RNF152: variants seen among roughly 807,000 people sequenced by gnomAD.
RNF152 encodes E3 ubiquitin-protein ligase RNF152.
RNF152 carries 11 observed loss-of-function variants against 12.7 expected under a neutral mutation model. That is an observed-to-expected ratio of 0.86 (90% CI 0.54 to 1.43). RNF152 has a LOEUF of 1.43. RNF152 is among the 40% of genes most tolerant of loss of function. The pLI, the probability that RNF152 is intolerant of heterozygous loss-of-function variation, is 0.00. For missense variants in RNF152, 255 were observed against 274.8 expected, an observed-to-expected ratio of 0.93 and a Z score of 0.51; for synonymous variants, 113 against 120.3, an observed-to-expected ratio of 0.94 and a Z score of 0.40.
chr18:61,823,077 T>C (rs955269581), intron 1 of RNF152, among the ~76,000 whole-genome samples: 2 of 152,250 alleles, frequency 1.3e-5, no homozygotes. Flanking sequence ...TTTTGTCCTC[T>C]GGTAGCAAAG....
rs1909100676 is a variant in RNF152, at chr18:61,816,488, A to G, written c.-25T>C. On this transcript the variant is annotated 5_prime_UTR_variant, in exon 2 of 2. Transcript: ENST00000312828. The stretch of plus-strand genomic sequence containing the variant: ...TGGTGGACCGTGAGCAGGAAGGGCA[A>G]GGCCAAGGTGAAGGGGAAGGAGCTG... The G allele has an allele frequency of 2.5e-6, 4 of 1,575,094 alleles. No homozygotes were observed. The highest frequency in any genetic ancestry group is 3.5e-6 in the Non-Finnish European group (4 of 1,156,234).
At chr18:61,858,659 G>C (rs1413658185) in intron 1 of RNF152, among the ~76,000 whole-genome samples, 1 of 152,124 alleles carries the variant, frequency 6.6e-6, no homozygotes, top group African/African-American at 2.4e-5. Context: ...GTCTGGCCTT[G>C]TTCTTACTGA....
intron 1 of RNF152, among the ~76,000 whole-genome samples, chr18:61,848,692 C>CA (rs1169231889): frequency 3.3e-5 from 5 of 152,288 alleles, no homozygotes; most frequent in Non-Finnish European, 7.4e-5. Context: ...GTGGAGGGGG[C>CA]AAGACAGCAG....
In RNF152 at chr18:61,814,821, C is replaced by A. The variant is rs1464186581; in HGVS notation, c.*1031G>T. The A allele has an allele frequency of 1.3e-5, 2 of 152,200 alleles. No individual in the cohort carries two copies. The highest frequency in any genetic ancestry group is 1.9e-4 in the East Asian group (1 of 5,198). The allele number at this position is 152,200 out of a possible 1,614,324, so 9.4% of individuals were successfully genotyped here. A position where few individuals can be genotyped will look rare whatever the true frequency, so the allele number is the denominator to read the frequency against. Reference sequence around the variant, plus strand: ...CTCCAAAACCAGGAGAAAAGACACTCTTCTGTTACTCTCCATTTGCCTCTT... The same window carrying A: ...CTCCAAAACCAGGAGAAAAGACACTATTCTGTTACTCTCCATTTGCCTCTT... On this transcript the variant is annotated 3_prime_UTR_variant, in exon 2 of 2. Transcript: ENST00000312828.
chr18:61,839,849 C>G (rs533250508), intron 1 of RNF152, among the ~76,000 whole-genome samples: 1 of 152,180 alleles, frequency 6.6e-6, no homozygotes, highest in African/African-American at 2.4e-5. Context: ...GGGCCGAGAT[C>G]GTGCCTGTGT....
At chr18:61,875,442 A>T (rs1242333734) in intron 1 of RNF152, among the ~76,000 whole-genome samples, 1 of 152,008 alleles carries the variant, frequency 6.6e-6, no homozygotes, top group Non-Finnish European at 1.5e-5. Context: ...CAGAAAACAA[A>T]TTTTTTTTCT....
intron 1 of RNF152, among the ~76,000 whole-genome samples, chr18:61,869,931 C>T (rs1418830529): frequency 6.6e-6 from 1 of 152,178 alleles, no homozygotes; most frequent in East Asian, 1.9e-4. Flanking sequence ...ATGAAAGAAA[C>T]AGTGTCACTA....
At position 61,859,249 on chromosome 18, in the gene RNF152, C is replaced by T. The variant is rs117878853; in HGVS notation, c.-136+33546G>A. Among the ~76,000 whole-genome samples, 38 of 152,318 alleles carry T rather than the reference C, an allele frequency of 2.5e-4. No homozygotes were observed. In the East Asian group the frequency reaches 4.2e-3, roughly 17 times the overall value. The stretch of plus-strand genomic sequence containing the variant: ...ACTGGAAGGACTTTTGTCCTTCCCA[C>T]GGGTACCATCAAAGCCCCTCAGTTT... On this transcript the variant is annotated intron_variant, in intron 1 of 1. Transcript: ENST00000312828.
chr18:61,844,077 G>A (rs1454510379), intron 1 of RNF152, among the ~76,000 whole-genome samples: 3 of 68,406 alleles, frequency 4.4e-5, no homozygotes, highest in South Asian at 5.4e-4. Context: ...CAGAAAGAAA[G>A]GAAAGAAAGA....
At chr18:61,845,563 A>C (rs1421018682) in intron 1 of RNF152, among the ~76,000 whole-genome samples, 1 of 152,240 alleles carries the variant, frequency 6.6e-6, no homozygotes, top group Admixed American at 6.5e-5. Flanking sequence ...CAGGTTTGGA[A>C]AGTTTTTATA....
At chr18:61,868,272 T>C (rs1911830068) in intron 1 of RNF152, among the ~76,000 whole-genome samples, 1 of 152,244 alleles carries the variant, frequency 6.6e-6, no homozygotes, top group Non-Finnish European at 1.5e-5. Flanking sequence ...TATTTCTCTT[T>C]TCCTCCTAGC....
At chr18:61,840,741 T>G (rs2144670638) in intron 1 of RNF152, among the ~76,000 whole-genome samples, 1 of 151,910 alleles carries the variant, frequency 6.6e-6, no homozygotes, top group African/African-American at 2.4e-5. Flanking sequence ...CCAAAAAGGA[T>G]GTATATTTTT....
At chr18:61,866,845 C>T (rs554269038) in intron 1 of RNF152, among the ~76,000 whole-genome samples, 1 of 152,162 alleles carries the variant, frequency 6.6e-6, no homozygotes, top group Non-Finnish European at 1.5e-5. Context: ...ATAGCTTTGG[C>T]ACCAAGGAAT....
At position 61,811,771 on chromosome 18, in the gene RNF152, A is replaced by T. The variant is rs1312919769; in HGVS notation, c.*4081T>A. 1.3e-5 allele frequency: 2 copies of T among 152,184 alleles called. No individual in the cohort carries two copies. The highest frequency in any genetic ancestry group is 3.9e-4 in the East Asian group (2 of 5,188). The allele number at this position is 152,184 out of a possible 1,614,324, so 9.4% of individuals were successfully genotyped here. ...TTCCTGTAACATTTACTTTTTGGCC[A>T]CAAGACCCTAGACACAATTTCACAG... On this transcript the variant is annotated 3_prime_UTR_variant, in exon 2 of 2. Transcript: ENST00000312828.
At chr18:61,871,892 T>C (rs79324849) in intron 1 of RNF152, among the ~76,000 whole-genome samples, 4,382 of 152,280 alleles carry the variant, frequency 0.029, 90 homozygotes, top group Non-Finnish European at 0.044. Flanking sequence ...TAAAACTACT[T>C]GTGAGGGAGC....
intron 1 of RNF152, among the ~76,000 whole-genome samples, chr18:61,857,616 C>T (rs866092293): frequency 3.3e-5 from 5 of 152,138 alleles, no homozygotes; most frequent in Non-Finnish European, 5.9e-5. Flanking sequence ...TCCATCTCAT[C>T]GCCATGTTCT....
chr18:61,822,648 C>G (rs1475492784), intron 1 of RNF152, among the ~76,000 whole-genome samples: 1 of 152,180 alleles, frequency 6.6e-6, no homozygotes, highest in Non-Finnish European at 1.5e-5. Flanking sequence ...TGCTTACACT[C>G]TTAAGAATCT....
At position 61,811,868 on chromosome 18, in the gene RNF152, T is replaced by C. The variant is rs571674741; in HGVS notation, c.*3984A>G. On this transcript the variant is annotated 3_prime_UTR_variant, in exon 2 of 2. Coordinates refer to ENST00000312828, the MANE Select transcript of RNF152 (RefSeq NM_173557.3). Reference sequence around the variant, plus strand: ...CTAACTACTATTTTTGGACAATAGGTTAACATGCAGCTAATGATCCCAGAA... The same window carrying C: ...CTAACTACTATTTTTGGACAATAGGCTAACATGCAGCTAATGATCCCAGAA... 1 of 152,324 alleles carries C rather than the reference T, an allele frequency of 6.6e-6. No homozygotes were observed. The highest frequency in any genetic ancestry group is 1.9e-4 in the East Asian group (1 of 5,188). 9.4% of individuals were successfully genotyped at this position (152,324 alleles called of 1,614,324 possible). A position where few individuals can be genotyped will look rare whatever the true frequency, so the allele number is the denominator to read the frequency against.
At position 61,885,258 on chromosome 18, in the gene RNF152, G is replaced by C. The variant is rs1390700820; in HGVS notation, c.-136+7537C>G. Among the ~76,000 whole-genome samples the C allele has an allele frequency of 2.6e-5, 4 of 152,154 alleles. No homozygotes were observed. The East Asian group carries it at 5.8e-4, about 22-fold the overall frequency. ...AAAAGAATATCACAACAAATACTTG[G>C]TTCCTGAGACACTTATCTCAGCCCT... On this transcript the variant is annotated intron_variant, in intron 1 of 1. Coordinates refer to ENST00000312828, the MANE Select transcript of RNF152 (RefSeq NM_173557.3).
Sources: gnomAD v4.1 joint callset for allele counts (sites outside exome capture counted in the v4.1 genomes callset) on GRCh38, gnomAD v4.1.1 for gene constraint, MANE v1.5 for transcripts, NCBI Gene and HGNC (gene_info 2026-07-23, HGNC 2026-07-21) for gene names.